The following COL22A1 variants were observed in gnomAD, a reference collection of about 807,000 sequenced individuals.
COL22A1 encodes collagen alpha-1(XXII) chain.
In COL22A1, 221 loss-of-function variants were observed where a neutral mutation model predicts 248.9. The observed-to-expected ratio is 0.89, with a 90% confidence interval of 0.80 to 0.99. The LOEUF is 0.99. Ranked by LOEUF, COL22A1 falls within the 50% of genes least tolerant of loss-of-function variation. The pLI, the probability that COL22A1 is intolerant of heterozygous loss-of-function variation, is 0.00. For missense variants in COL22A1, 2,240 were observed against 2,179.0 expected (o/e 1.03, Z -0.56); for synonymous variants, 891 against 793.4 (o/e 1.12, Z -2.07).
At chr8:138,810,621 C>CA (rs1053316682) in intron 9 of COL22A1, among the ~76,000 whole-genome samples, 1 of 152,174 alleles carries the variant, frequency 6.6e-6, no homozygotes, top group Non-Finnish European at 1.5e-5. Flanking sequence ...GGGCCTCCAG[C>CA]AAGGGAGGCC....
chr8:138,861,267 G>A (rs1027111404), intron 3 of COL22A1, among the ~76,000 whole-genome samples: 19 of 152,126 alleles, frequency 1.2e-4, no homozygotes, highest in Admixed American at 5.2e-4. Flanking sequence ...CACCGCTTCC[G>A]GGCTCACATG....
At chr8:138,725,252 G>T in intron 24 of COL22A1, 135 bp downstream of exon 24, 2 of 911,848 alleles carry the variant, frequency 2.2e-6, no homozygotes, top group South Asian at 1.3e-5. Flanking sequence ...ACGTGTCGGG[G>T]TCCTCCTGTG....
chr8:138,857,810 C>A (rs1160567894), intron 3 of COL22A1, among the ~76,000 whole-genome samples: 2 of 152,216 alleles, frequency 1.3e-5, no homozygotes, highest in Admixed American at 6.5e-5. Context: ...TAAAGAGGAG[C>A]TGCCTTAAGG....
chr8:138,692,064 G>A (rs531195182), intron 35 of COL22A1, among the ~76,000 whole-genome samples: 1,482 of 136,012 alleles, frequency 0.011, 54 homozygotes, highest in African/African-American at 0.039. Context: ...GTGCGCGCAC[G>A]TTTGTGGAGG....
chr8:138,701,288 A>C (rs1827943023), intron 31 of COL22A1, among the ~76,000 whole-genome samples: 1 of 152,190 alleles, frequency 6.6e-6, no homozygotes, highest in Non-Finnish European at 1.5e-5. Context: ...CTGTAGGGTT[A>C]GTTTATCTTC....
At chr8:138,829,019 A>T (rs1412941964) in intron 5 of COL22A1, among the ~76,000 whole-genome samples, 2 of 152,212 alleles carry the variant, frequency 1.3e-5, no homozygotes, top group East Asian at 1.9e-4. Context: ...GGCCAGACAG[A>T]CAGGAAGGGA....
chr8:138,782,131 T>G (rs1815068386), intron 12 of COL22A1, among the ~76,000 whole-genome samples: 1 of 152,232 alleles, frequency 6.6e-6, no homozygotes, highest in Non-Finnish European at 1.5e-5. Context: ...TAAGTCAGTG[T>G]GATATTGAAA....
chr8:138,664,194 T>TGTGCGCGC (rs1554738435), intron 41 of COL22A1, among the ~76,000 whole-genome samples: 2 of 85,378 alleles, frequency 2.3e-5, no homozygotes, highest in Non-Finnish European at 5.0e-5. Flanking sequence ...CAACAAGGGG[T>TGTGCGCGC]GCGCGCGCGC....
intron 4 of COL22A1, among the ~76,000 whole-genome samples, chr8:138,839,823 A>C (rs1820739730): frequency 6.6e-6 from 1 of 152,212 alleles, no homozygotes; most frequent in Non-Finnish European, 1.5e-5. Context: ...CTTCTAGAAA[A>C]GTTGCCTAAC....
In COL22A1 at chr8:138,833,086, C is replaced by T. The variant is rs1158251557; in HGVS notation, c.798G>A (p.Gln266=). The part of the protein sequence containing the change: ...EILGKRENGA[Q]SSYVRMGSFP... Reference sequence around the variant, plus strand: ...AGGATCCCATCCGTACATAGGAACTCTGAGCTCCATTCTCTCTCTTCCCCA... The same window carrying T: ...AGGATCCCATCCGTACATAGGAACTTTGAGCTCCATTCTCTCTCTTCCCCA... The change falls in exon 5 of 65, where the codon CAG becomes CAA. Residue 266 remains glutamine (Q), a synonymous_variant. Coordinates refer to ENST00000303045, the MANE Select transcript of COL22A1 (RefSeq NM_152888.3). 6.2e-7 allele frequency: 1 copy of T among 1,614,072 alleles called. No individual in the cohort carries two copies. Among genetic ancestry groups the T allele is most frequent in the Non-Finnish European group, 8.5e-7 (1 of 1,179,894 alleles).
intron 27 of COL22A1, 89 bp from the exon 28 acceptor site, chr8:138,716,958 C>T (rs1829486275): frequency 3.1e-6 from 3 of 966,360 alleles, no homozygotes; most frequent in Middle Eastern, 2.1e-4. Context: ...ACATTCATAG[C>T]ACCTGCCAGC....
At chr8:138,718,861 A>G (rs1048609133) in intron 27 of COL22A1, among the ~76,000 whole-genome samples, 1 of 152,222 alleles carries the variant, frequency 6.6e-6, no homozygotes, top group Admixed American at 6.5e-5. Flanking sequence ...AATATAAAAC[A>G]CATAGATTGA....
At chr8:138,661,343 A>C (rs1335953722) in intron 43 of COL22A1, among the ~76,000 whole-genome samples, 1 of 152,226 alleles carries the variant, frequency 6.6e-6, no homozygotes, top group Non-Finnish European at 1.5e-5. Context: ...AAAACTACAG[A>C]GATGAAAAGT....
intron 3 of COL22A1, among the ~76,000 whole-genome samples, chr8:138,852,020 G>C (rs1388828108): frequency 1.3e-5 from 2 of 152,016 alleles, no homozygotes; most frequent in Non-Finnish European, 2.9e-5. Flanking sequence ...GGGGAAGGGG[G>C]GATTGGAGGC....
chr8:138,606,588 G>A, intron 57 of COL22A1, 136 bp from the exon 58 acceptor site: 2 of 829,358 alleles, frequency 2.4e-6, no homozygotes, highest in South Asian at 3.3e-5. Context: ...TGATGGAGGG[G>A]CATGGGTTAG....
chr8:138,807,465 T>C (rs377528273), intron 10 of COL22A1, among the ~76,000 whole-genome samples: 6 of 152,324 alleles, frequency 3.9e-5, no homozygotes, highest in African/African-American at 1.4e-4. Flanking sequence ...AACCAATTGC[T>C]GCAAAGTTAA....
At chr8:138,701,134 T>G (rs1304409218) in intron 31 of COL22A1, among the ~76,000 whole-genome samples, 1 of 152,256 alleles carries the variant, frequency 6.6e-6, no homozygotes, top group Non-Finnish European at 1.5e-5. Flanking sequence ...GCAGGTGTCT[T>G]TTAAATGTCG....
intron 2 of COL22A1, among the ~76,000 whole-genome samples, chr8:138,880,208 G>C (rs1316191309): frequency 6.6e-6 from 1 of 152,228 alleles, no homozygotes; most frequent in Admixed American, 6.5e-5. Flanking sequence ...TTGCTAGGCA[G>C]CCATGACAGT....
intron 18 of COL22A1, among the ~76,000 whole-genome samples, chr8:138,757,539 T>A (rs1286096098): frequency 3.3e-5 from 5 of 152,188 alleles, no homozygotes; most frequent in Non-Finnish European, 1.5e-5. Context: ...TACTCTCAAC[T>A]CACCATATAA....
Sources: allele counts gnomAD v4.1 joint callset (sites outside exome capture counted in the v4.1 genomes callset), GRCh38; gene constraint gnomAD v4.1.1; transcripts MANE v1.5; gene names NCBI Gene and HGNC (gene_info 2026-07-23, HGNC 2026-07-21).